HDAC7: variants seen among roughly 807,000 people sequenced by gnomAD.
The protein encoded by HDAC7 is histone deacetylase 7.
HDAC7 carries 26 observed loss-of-function variants against 115.5 expected under a neutral mutation model. The ratio of observed to expected loss-of-function variants is 0.23; its 90% CI spans 0.16 to 0.31. The LOEUF (loss-of-function observed/expected upper bound fraction) is 0.31. Ranked by LOEUF, HDAC7 falls within the 10% of genes least tolerant of loss-of-function variation. The pLI, the probability that HDAC7 is intolerant of heterozygous loss-of-function variation, is 1.00. For missense variants in HDAC7, 1,068 were observed against 1,329.0 expected, an observed-to-expected ratio of 0.80 and a Z score of 3.05; for synonymous variants, 564 against 550.9, an observed-to-expected ratio of 1.02 and a Z score of -0.33.
At chr12:47,787,939 G>A in intron 20 of HDAC7, 106 bp downstream of exon 20, 1 of 1,564,890 alleles carries the variant, frequency 6.4e-7, no homozygotes. Context: ...GGATCAGAGA[G>A]GCTCAGCAGT....
intron 20 of HDAC7, 26 bp downstream of exon 20, chr12:47,788,019 A>G (rs1379417338): frequency 6.2e-7 from 1 of 1,601,598 alleles, no homozygotes; most frequent in Non-Finnish European, 8.5e-7. Flanking sequence ...ATGAGGCTGG[A>G]AGATGTGGCC....
At chr12:47,784,680 C>A in intron 24 of HDAC7, 1 of 1,527,040 alleles carries the variant, frequency 6.5e-7, no homozygotes, top group South Asian at 1.2e-5. Context: ...ACGAACACAA[C>A]ATGGGAGAAC....
intron 1 of HDAC7, among the ~76,000 whole-genome samples, chr12:47,812,656 C>A (rs774778795): frequency 1.3e-5 from 2 of 152,090 alleles, no homozygotes; most frequent in Non-Finnish European, 2.9e-5. Flanking sequence ...AGCTCTCCTG[C>A]CAGGCTTTGC....
chr12:47,793,423 C>T lies in HDAC7; in HGVS notation c.1624G>A (p.Ala542Thr). 1.3e-6 allele frequency: 2 copies of T among 1,545,732 alleles called. No homozygotes were observed. Among genetic ancestry groups the T allele is most frequent in the Non-Finnish European group, 1.7e-6 (2 of 1,144,404 alleles). ...GTCTCTGAGCTGGAGAGGACTCGGG[C>T]CTGGCTGGCAGGCTCTGGGGCTGAC... Reference protein sequence around the residue: ...SLSAPEPASQARVLSSSETPA... With the variant: ...SLSAPEPASQTRVLSSSETPA... The change falls in exon 13 of 26, where the codon GCC (alanine) becomes ACC (threonine). Residue 542 changes from alanine (A) to threonine (T), a missense_variant. Ala to Thr is a moderately conservative substitution (Grantham distance 58). Transcript: ENST00000080059. This position sits in a 1 kb window ranked among gnomAD's most constrained non-coding sequence, Gnocchi z 4.5.
chr12:47,796,938 T>TCTA (rs993235187), intron 7 of HDAC7, 79 bp downstream of exon 7: 2 of 1,457,688 alleles, frequency 1.4e-6, no homozygotes, highest in Non-Finnish European at 1.8e-6. Flanking sequence ...GGGACCCCTG[T>TCTA]CTAGGTGGGG....
At position 47,797,010 on chromosome 12, in the gene HDAC7, C is replaced by A. The variant is rs1401580812; in HGVS notation, c.703+7G>T. 1.3e-6 allele frequency: 2 copies of A among 1,537,636 alleles called. No homozygotes were observed. Reference sequence around the variant, plus strand: ...ATGGCAACCGCACTGGCTCAGCCGGCCCTCACCTCCGAGGGTCTCTGCGGG... The same window carrying A: ...ATGGCAACCGCACTGGCTCAGCCGGACCTCACCTCCGAGGGTCTCTGCGGG... On this transcript the variant is annotated splice_region_variant and intron_variant, in intron 7 of 25. Transcript: ENST00000080059. The surrounding 1 kb of genome is among the most constrained non-coding windows in gnomAD (Gnocchi z 5.5).
rs202216785 is a variant in HDAC7, at chr12:47,791,229, C to T, written c.1983+30G>A. The T allele has an allele frequency of 6.9e-5, 108 of 1,575,494 alleles. No individual in the cohort carries two copies. In the East Asian group the frequency reaches 8.7e-4, roughly 13 times the overall value. ...GGAGGAGAGCTGAGAGCCCTGGCAA[C>T]GCCCCCCTGAGACCCCTGGGCACAC... is the stretch of plus-strand genomic sequence containing the variant. On this transcript the variant is annotated intron_variant, in intron 16 of 25. Transcript: ENST00000080059.
chr12:47,793,555 G>T lies in HDAC7; in HGVS notation c.1492C>A (p.Arg498=). The T allele has an allele frequency of 4.5e-6, 7 of 1,545,186 alleles. No homozygotes were observed. The highest frequency in any genetic ancestry group is 6.1e-6 in the Non-Finnish European group (7 of 1,145,300). Residue 498 remains arginine (R), a synonymous_variant, in exon 13 of 26, where the codon CGG becomes AGG. Transcript: ENST00000080059. The surrounding 1 kb of genome is among the most constrained non-coding windows in gnomAD (Gnocchi z 4.5). ...TCCCCGGTGCTGCCCCGGGGGAGCCGCCCAGCCAGTCGCTGCTGTTCCCAG... is the reference window on the plus strand; with the variant it reads ...TCCCCGGTGCTGCCCCGGGGGAGCCTCCCAGCCAGTCGCTGCTGTTCCCAG... The part of the protein sequence containing the change: ...LLWEQQRLAG[R]LPRGSTGDTV...
At position 47,783,824 on chromosome 12, in the gene HDAC7, C is replaced by A; in HGVS notation, c.*17G>T. The A allele has an allele frequency of 6.2e-7, 1 of 1,609,210 alleles. No homozygotes were observed. The highest frequency in any genetic ancestry group is 8.5e-7 in the Non-Finnish European group (1 of 1,178,436). On this transcript the variant is annotated 3_prime_UTR_variant, in exon 26 of 26. Transcript: ENST00000080059. The stretch of plus-strand genomic sequence containing the variant: ...AGGTCCCAAGGGCATGGTGGGCGGG[C>A]AGATGGTTCCAGAGCCTTAGAGATT...
rs1943669898 is a variant in HDAC7, at chr12:47,793,997, C to G, written c.1459-409G>C. ...AAATTTATATGTTGAAGTCCCAACC[C>G]CCAGTACCTCTAAACATGACCTTAT... On this transcript the variant is annotated intron_variant, in intron 12 of 25. Coordinates refer to ENST00000080059, the MANE Select transcript of HDAC7 (RefSeq NM_015401.5). This position sits in a 1 kb window ranked among gnomAD's most constrained non-coding sequence, Gnocchi z 4.5. Among the ~76,000 whole-genome samples, 1 of 152,156 alleles carries G rather than the reference C, an allele frequency of 6.6e-6. No individual in the cohort carries two copies. Among genetic ancestry groups the G allele is most frequent in the African/African-American group, 2.4e-5 (1 of 41,418 alleles).
intron 2 of HDAC7, among the ~76,000 whole-genome samples, chr12:47,801,852 T>C (rs1427843523): frequency 6.6e-6 from 1 of 152,158 alleles, no homozygotes; most frequent in East Asian, 1.9e-4. Flanking sequence ...ATGCCCACCT[T>C]GCAGAGCCGG....
Position 47,798,282 on chromosome 12 carries a change from T to C in HDAC7, c.350-63A>G, listed in dbSNP as rs1204464462. 2.3e-5 allele frequency: 29 copies of C among 1,260,470 alleles called. No homozygotes were observed. Among genetic ancestry groups the C allele is most frequent in the Non-Finnish European group, 3.2e-5 (28 of 862,702 alleles). The allele number at this position is 1,260,470 out of a possible 1,614,324, so 78.1% of individuals were successfully genotyped here. On this transcript the variant is annotated intron_variant, in intron 4 of 25. Transcript: ENST00000080059. This position sits in a 1 kb window ranked among gnomAD's most constrained non-coding sequence, Gnocchi z 4.3. ...GGACAGGCGGCCTCGTGGCACTACC[T>C]GGCCACTGCCCTGTCCCCATCCTCA...
Position 47,794,813 on chromosome 12 carries a change from C to A in HDAC7, c.1405G>T (p.Gly469Cys). 6.2e-7 allele frequency: 1 copy of A among 1,612,960 alleles called. No individual in the cohort carries two copies. The highest frequency in any genetic ancestry group is 8.5e-7 in the Non-Finnish European group (1 of 1,179,836). ...VDDGLEHRELGHGQPEARGPA... is the reference protein window; with the variant it reads ...VDDGLEHRELCHGQPEARGPA... ...CCTCTGGCCTCAGGCTGCCCATGGC[C>A]CAGCTCCCTGTGCTCCAGGCCATCG... Residue 469 changes from glycine to cysteine, a missense_variant, in exon 12 of 26, where the codon GGC becomes TGC. By Grantham distance (159) the Gly-to-Cys change is radical. This residue lies in a region of HDAC7 where 618 missense variants were observed against 701.5 expected (regional missense o/e 0.88). Transcript: ENST00000080059.
At chr12:47,784,859 C>T (rs1592623390) in intron 24 of HDAC7, 2 of 1,272,522 alleles carry the variant, frequency 1.6e-6, no homozygotes, top group East Asian at 5.1e-5. Context: ...GGCTCCCCTA[C>T]CCAGCCCTTG....
rs777763399 is a variant in HDAC7 at position 47,791,626 on chromosome 12, G to A, written c.1893C>T (p.Asn631=). The A allele has an allele frequency of 1.2e-5, 19 of 1,611,404 alleles. No individual in the cohort carries two copies. The highest frequency in any genetic ancestry group is 9.3e-5 in the African/African-American group (7 of 74,888). The change falls in exon 15 of 26, where the codon AAC becomes AAT. Residue 631 remains asparagine, a synonymous_variant. Transcript: ENST00000080059. ...TGTCCAGTTTGAGGCGGCTGAGCGG[G>A]TTGGTGCCGTAGAGGAGCACGTGCC... ...SERHVLLYGT[N]PLSRLKLDNG...
chr12:47,790,002 G>A (rs1323800119), intron 16 of HDAC7, 82 bp from the exon 17 acceptor site: 13 of 1,029,336 alleles, frequency 1.3e-5, no homozygotes, highest in South Asian at 1.1e-4. Context: ...CCCACCCCAC[G>A]GCCAGGACCC....
intron 13 of HDAC7, chr12:47,792,977 C>T: frequency 3.7e-6 from 1 of 271,468 alleles, no homozygotes; most frequent in East Asian, 9.3e-5. Context: ...TGGTGGGATA[C>T]TGGTTGGTGA....
At chr12:47,818,245 A>G (rs1246550644) in intron 1 of HDAC7, among the ~76,000 whole-genome samples, 1 of 152,132 alleles carries the variant, frequency 6.6e-6, no homozygotes, top group Non-Finnish European at 1.5e-5. Flanking sequence ...TCCAGGTGCA[A>G]CATCAGGAGG....
Position 47,794,966 on chromosome 12 carries a change from G to A in HDAC7, c.1285-33C>T, listed in dbSNP as rs763963475. The A allele has an allele frequency of 3.1e-6, 5 of 1,588,046 alleles. No homozygotes were observed. The East Asian group carries it at 8.9e-5, about 28-fold the overall frequency. ...GGGGAGAACCTGGCTGAGAAGCCAT[G>A]GTGGAGCGAGGGGCATGGGGTGGGA... On this transcript the variant is annotated intron_variant, in intron 11 of 25. Transcript: ENST00000080059.
Sources: gnomAD v4.1 joint callset for allele counts (sites outside exome capture counted in the v4.1 genomes callset) on GRCh38, gnomAD v4.1.1 for gene constraint, gnomAD v4.1.1 regional missense constraint, Gnocchi (gnomAD v3.1) non-coding constraint, MANE v1.5 for transcripts, NCBI Gene and HGNC (gene_info 2026-07-23, HGNC 2026-07-21) for gene names.